Variants in PTPRU observed in about 807,000 individuals in gnomAD.
The protein encoded by PTPRU is receptor-type tyrosine-protein phosphatase U.
A neutral mutation model predicts 166.3 loss-of-function variants in PTPRU; 69 were observed. The observed-to-expected ratio is 0.41, with a 90% confidence interval of 0.34 to 0.51. The LOEUF (loss-of-function observed/expected upper bound fraction) is 0.51. PTPRU is among the 20% of genes least tolerant of loss of function. The pLI is 0.09. For missense variants in PTPRU, 1,657 were observed against 2,013.7 expected (o/e 0.82, Z 3.39); for synonymous variants, 793 against 814.0 (o/e 0.97, Z 0.44).
At chr1:29,276,766 G>A (rs1243534649) in intron 8 of PTPRU, among the ~76,000 whole-genome samples, 2 of 151,890 alleles carry the variant, frequency 1.3e-5, no homozygotes, top group African/African-American at 4.8e-5. Context: ...ACCAACTGTT[G>A]GCTTACTTGA....
chr1:29,322,065 T>C (rs1006966091), intron 26 of PTPRU, among the ~76,000 whole-genome samples: 20 of 152,234 alleles, frequency 1.3e-4, no homozygotes, highest in Admixed American at 5.9e-4. Context: ...CTTGAGAAGA[T>C]TGCATTAACT....
chr1:29,276,948 T>C (rs937211110), intron 8 of PTPRU, among the ~76,000 whole-genome samples: 1 of 152,250 alleles, frequency 6.6e-6, no homozygotes, highest in Non-Finnish European at 1.5e-5. Context: ...CTGCTTTAGC[T>C]GTGTCCCACA....
Position 29,325,976 on chromosome 1 carries a change from G to A in PTPRU, c.*315G>A, listed in dbSNP as rs1038285708. ...CAAAGGCTCAGGACGGCTGGCTCTG[G>A]GGGACTCAGGCCAAGCCCCTTGGCA... On this transcript the variant is annotated 3_prime_UTR_variant, in exon 30 of 30. Transcript: ENST00000373779. The A allele has an allele frequency of 2.7e-5, 12 of 441,364 alleles. No homozygotes were observed. The highest frequency in any genetic ancestry group is 3.9e-5 in the Non-Finnish European group (10 of 254,062). 27.3% of individuals were successfully genotyped at this position (441,364 alleles called of 1,614,324 possible).
intron 7 of PTPRU, among the ~76,000 whole-genome samples, chr1:29,262,053 A>G (rs552930265): frequency 1.3e-5 from 2 of 152,166 alleles, no homozygotes; most frequent in Non-Finnish European, 2.9e-5. Flanking sequence ...GTGTGTGTGT[A>G]TATGTGTATG....
chr1:29,275,065 A>G (rs938024407), intron 7 of PTPRU, among the ~76,000 whole-genome samples: 2 of 151,546 alleles, frequency 1.3e-5, no homozygotes, highest in Non-Finnish European at 2.9e-5. Flanking sequence ...AAAAAAAAAA[A>G]GCTAATATTT....
chr1:29,278,121 A>G (rs1172776975), intron 8 of PTPRU, among the ~76,000 whole-genome samples: 1 of 151,930 alleles, frequency 6.6e-6, no homozygotes, highest in Non-Finnish European at 1.5e-5. Flanking sequence ...GTGCCCAGCC[A>G]GTTGTCCTTC....
Position 29,259,698 on chromosome 1 carries a change from CT to C in PTPRU, c.675+135del, listed in dbSNP as rs562366513. On this transcript the variant is annotated intron_variant, in intron 5 of 29. Transcript: ENST00000373779. Reference sequence around the variant, plus strand: ...CTGCGCACAGCGTCCCGGCCCTCCCCTAGCTCTGCTCTGCGCTTTCTTGGGT... The same window carrying C: ...CTGCGCACAGCGTCCCGGCCCTCCCCAGCTCTGCTCTGCGCTTTCTTGGGT... 689 of 1,246,776 alleles carry C rather than the reference CT, an allele frequency of 5.5e-4. 5 individuals carry two copies. Among genetic ancestry groups the C allele is most frequent in the South Asian group, 5.4e-3 (354 of 65,340 alleles). 77.2% of individuals were successfully genotyped at this position (1,246,776 alleles called of 1,614,324 possible).
At position 29,260,115 on chromosome 1, in the gene PTPRU, T is replaced by G; in HGVS notation, c.850+71T>G. 5 of 1,112,486 alleles carry G rather than the reference T, an allele frequency of 4.5e-6. No individual in the cohort carries two copies. Among genetic ancestry groups the G allele is most frequent in the East Asian group, 4.1e-5 (1 of 24,290 alleles). The allele number at this position is 1,112,486 out of a possible 1,614,324, so 68.9% of individuals were successfully genotyped here. A position where few individuals can be genotyped will look rare whatever the true frequency, so the allele number is the denominator to read the frequency against. On this transcript the variant is annotated intron_variant, in intron 6 of 29. Transcript: ENST00000373779. This position sits in a 1 kb window ranked among gnomAD's most constrained non-coding sequence, Gnocchi z 8.3. ...GGCGGGGCCGGCGACGGGGGCGGGC[T>G]CTGCCCGGGGGCGTGGCCGTGGGGG...
intron 1 of PTPRU, among the ~76,000 whole-genome samples, chr1:29,251,975 C>T (rs1684562592): frequency 6.6e-6 from 1 of 152,226 alleles, no homozygotes; most frequent in Non-Finnish European, 1.5e-5. Flanking sequence ...CTCTCTGCTG[C>T]ACTGTGGGTC....
Position 29,298,168 on chromosome 1 carries a change from G to T in PTPRU, c.2477-5687G>T, listed in dbSNP as rs562729149. ...AGCTACTTGGGAGGCTGAGGCACAA[G>T]AATTGCTTGAACCTGGGAGGCAGAG... On this transcript the variant is annotated intron_variant, in intron 15 of 29. Coordinates refer to ENST00000373779, the MANE Select transcript of PTPRU (RefSeq NM_133178.4). Among the ~76,000 whole-genome samples the T allele has an allele frequency of 6.6e-5, 10 of 151,518 alleles. No individual in the cohort carries two copies. In the South Asian group the frequency reaches 2.1e-3, roughly 32 times the overall value.
At chr1:29,250,443 G>T (rs564623621) in intron 1 of PTPRU, among the ~76,000 whole-genome samples, 1 of 152,200 alleles carries the variant, frequency 6.6e-6, no homozygotes, top group South Asian at 2.1e-4. Context: ...TAGCTGCATG[G>T]CCTTGAGTAA....
At chr1:29,252,589 A>G (rs529846980) in intron 1 of PTPRU, among the ~76,000 whole-genome samples, 1 of 152,158 alleles carries the variant, frequency 6.6e-6, no homozygotes, top group South Asian at 2.1e-4. Context: ...TTCATGTGCT[A>G]CTTCACATCA....
chr1:29,286,178 G>C (rs952638759), intron 14 of PTPRU, among the ~76,000 whole-genome samples: 2 of 152,180 alleles, frequency 1.3e-5, no homozygotes, highest in African/African-American at 2.4e-5. Context: ...GGAGGAGATG[G>C]GGGGGATGGC....
chr1:29,290,958 C>T (rs1246320994), intron 14 of PTPRU, among the ~76,000 whole-genome samples: 1 of 152,192 alleles, frequency 6.6e-6, no homozygotes, highest in Non-Finnish European at 1.5e-5. Context: ...GGAGACCACC[C>T]TCTAGGCCAG....
chr1:29,290,759 A>G (rs1188345273), intron 14 of PTPRU, among the ~76,000 whole-genome samples: 1 of 152,292 alleles, frequency 6.6e-6, no homozygotes, highest in Non-Finnish European at 1.5e-5. Flanking sequence ...AACCAGATGC[A>G]GAACTTCTCA....
In PTPRU at chr1:29,237,671, C is replaced by A. The variant is rs1312821020; in HGVS notation, c.73+954C>A. ...CCCGAGGCTCAGGGGAGGACCGGGC[C>A]CCGCGGCCGCCGCCTCGGGCATGTC... On this transcript the variant is annotated intron_variant, in intron 1 of 29. Coordinates refer to ENST00000373779, the MANE Select transcript of PTPRU (RefSeq NM_133178.4). The surrounding 1 kb of genome is among the most constrained non-coding windows in gnomAD (Gnocchi z 6.4). Among the ~76,000 whole-genome samples, 2 of 151,262 alleles carry A rather than the reference C, an allele frequency of 1.3e-5. No homozygotes were observed. The highest frequency in any genetic ancestry group is 3.0e-5 in the Non-Finnish European group (2 of 67,684).
chr1:29,263,622 G>C (rs991476128), intron 7 of PTPRU, among the ~76,000 whole-genome samples: 1 of 152,106 alleles, frequency 6.6e-6, no homozygotes, highest in East Asian at 1.9e-4. Flanking sequence ...TGTCTATGAG[G>C]GTTCTAGTTT....
Position 29,238,057 on chromosome 1 carries a change from G to A in PTPRU, c.73+1340G>A, listed in dbSNP as rs545232827. Among the ~76,000 whole-genome samples, 2 of 151,750 alleles carry A rather than the reference G, an allele frequency of 1.3e-5. No individual in the cohort carries two copies. The highest frequency in any genetic ancestry group is 2.1e-4 in the South Asian group (1 of 4,814). On this transcript the variant is annotated intron_variant, in intron 1 of 29. Transcript: ENST00000373779. This position sits in a 1 kb window ranked among gnomAD's most constrained non-coding sequence, Gnocchi z 6.1. The stretch of plus-strand genomic sequence containing the variant: ...TGCGGCCTCCCGGCCGGCCGGGACC[G>A]CCAGGTGTGTGCTTGAGTGTGAGCG...
chr1:29,284,082 G>GGTT, intron 13 of PTPRU, 106 bp downstream of exon 13: 1 of 1,423,542 alleles, frequency 7.0e-7, no homozygotes. Flanking sequence ...AGAGGAGGGT[G>GGTT]GTTGGGCAGT....
Sources: allele counts gnomAD v4.1 joint callset (sites outside exome capture counted in the v4.1 genomes callset), GRCh38; gene constraint gnomAD v4.1.1; non-coding constraint Gnocchi (gnomAD v3.1); transcripts MANE v1.5; gene names NCBI Gene and HGNC (gene_info 2026-07-23, HGNC 2026-07-21).